RAD51B: variants seen among roughly 807,000 people sequenced by gnomAD.
RAD51B encodes the protein RAD51 paralog B.
Under a neutral mutation model 42.2 loss-of-function variants are expected in RAD51B, and 38 were observed. That is an observed-to-expected ratio of 0.90 (90% CI 0.70 to 1.18). The LOEUF is 1.18. Ranked by LOEUF, RAD51B falls within the 50% of genes most tolerant of loss-of-function variation. The pLI, the probability that RAD51B is intolerant of heterozygous loss-of-function variation, is 0.00. For missense variants in RAD51B, 373 were observed against 400.7 expected, an observed-to-expected ratio of 0.93 and a Z score of 0.59; for synonymous variants, 154 against 145.2, an observed-to-expected ratio of 1.06 and a Z score of -0.43.
At chr14:68,675,408 C>T (rs1893283722) in intron 11 of RAD51B, among the ~76,000 whole-genome samples, 1 of 152,042 alleles carries the variant, frequency 6.6e-6, no homozygotes, top group Non-Finnish European at 1.5e-5. Flanking sequence ...ATGAGACGGC[C>T]CTCCTATTCT....
At chr14:68,198,442 A>G (rs139394236) in intron 7 of RAD51B, among the ~76,000 whole-genome samples, 3 of 152,272 alleles carry the variant, frequency 2.0e-5, no homozygotes, top group African/African-American at 4.8e-5. Flanking sequence ...CACTTCATAT[A>G]AATTTTAGAT....
intron 10 of RAD51B, chr14:68,468,572 G>T: frequency 2.6e-6 from 1 of 378,834 alleles, no homozygotes; most frequent in South Asian, 2.1e-5. Flanking sequence ...GGCATGAAGT[G>T]GGCAATGATT....
intron 7 of RAD51B, among the ~76,000 whole-genome samples, chr14:68,252,185 T>A: frequency 6.6e-6 from 1 of 152,200 alleles, no homozygotes; most frequent in Non-Finnish European, 1.5e-5. Context: ...GTGGTGAAGT[T>A]TAAAATTACA....
At chr14:68,583,557 C>A (rs968722801) in intron 10 of RAD51B, among the ~76,000 whole-genome samples, 1 of 152,160 alleles carries the variant, frequency 6.6e-6, no homozygotes, top group African/African-American at 2.4e-5. Flanking sequence ...ACCCGTGGAC[C>A]CCTCAGAGTT....
At chr14:68,241,543 A>G (rs889499326) in intron 7 of RAD51B, among the ~76,000 whole-genome samples, 3 of 152,226 alleles carry the variant, frequency 2.0e-5, no homozygotes, top group Admixed American at 6.5e-5. Context: ...TCCGTCTCAA[A>G]ATATAAAAAA....
In RAD51B at chr14:68,549,752, GA is replaced by G. The variant is rs534329644; in HGVS notation, c.1037-44728del. ...TTTTATAGAAAGATCCAGATGAAGG[GA>G]AAAAGAAGTCTGATAGGTATTTCTT... On this transcript the variant is annotated intron_variant, in intron 10 of 10. Transcript: ENST00000487270. Among the ~76,000 whole-genome samples, 10 of 152,220 alleles carry G rather than the reference GA, an allele frequency of 6.6e-5. No homozygotes were observed. The South Asian group carries it at 2.1e-3, about 32-fold the overall frequency.
intron 7 of RAD51B, among the ~76,000 whole-genome samples, chr14:68,252,449 T>G (rs566309726): frequency 3.6e-4 from 55 of 152,232 alleles, no homozygotes; most frequent in Non-Finnish European, 7.2e-4. Flanking sequence ...CCTCCAAGCC[T>G]TACTTTATTC....
At chr14:68,455,725 A>AT (rs1444164073) in intron 9 of RAD51B, among the ~76,000 whole-genome samples, 1 of 152,000 alleles carries the variant, frequency 6.6e-6, no homozygotes. Context: ...GTCTCAAAAA[A>AT]TTAAAAAAAA....
chr14:68,335,433 T>C (rs778808153), intron 8 of RAD51B, among the ~76,000 whole-genome samples: 3 of 152,188 alleles, frequency 2.0e-5, no homozygotes, highest in Non-Finnish European at 2.9e-5. Flanking sequence ...ACAATCAGCA[T>C]ACTTTAGTCT....
intron 7 of RAD51B, among the ~76,000 whole-genome samples, chr14:68,233,714 T>C (rs1280246244): frequency 6.6e-6 from 1 of 152,180 alleles, no homozygotes; most frequent in East Asian, 1.9e-4. Flanking sequence ...GCTTCAAGAA[T>C]ATATCAACAT....
chr14:68,384,962 C>T lies in RAD51B; in HGVS notation c.854-26462C>T, dbSNP rs373730796. Among the ~76,000 whole-genome samples the T allele has an allele frequency of 9.9e-4, 151 of 152,220 alleles. 2 individuals are homozygous for T. Among genetic ancestry groups the T allele is most frequent in the African/African-American group, 3.3e-3 (138 of 41,512 alleles). ...TGTGGCCATGACCTTCTGGGATGAACGGAAAGGGCTGGACAGAGTTACACA... is the reference window on the plus strand; with the variant it reads ...TGTGGCCATGACCTTCTGGGATGAATGGAAAGGGCTGGACAGAGTTACACA... On this transcript the variant is annotated intron_variant, in intron 8 of 10. Coordinates refer to ENST00000471583, the MANE Select transcript of RAD51B (RefSeq NM_133510.4).
At chr14:68,047,562 A>G (rs1482941536) in intron 7 of RAD51B, among the ~76,000 whole-genome samples, 1 of 152,210 alleles carries the variant, frequency 6.6e-6, no homozygotes, top group South Asian at 2.1e-4. Flanking sequence ...ATTTAACATA[A>G]TTGAAATTAT....
At chr14:68,173,243 G>A (rs896959499) in intron 7 of RAD51B, among the ~76,000 whole-genome samples, 2 of 152,138 alleles carry the variant, frequency 1.3e-5, no homozygotes, top group Admixed American at 6.5e-5. Flanking sequence ...AGCCAAGTAG[G>A]GCTGGCTAGA....
intron 9 of RAD51B, among the ~76,000 whole-genome samples, chr14:68,422,949 G>A (rs890975537): frequency 8.5e-5 from 13 of 152,202 alleles, no homozygotes; most frequent in East Asian, 1.9e-4. Context: ...GCTTGAAGCC[G>A]AGGTTTTTTT....
chr14:68,426,045 T>C (rs1429727771), intron 9 of RAD51B, among the ~76,000 whole-genome samples: 2 of 150,590 alleles, frequency 1.3e-5, no homozygotes, highest in East Asian at 3.9e-4. Flanking sequence ...TCTTTCTCTC[T>C]TTCTCTCTCT....
At chr14:68,243,154 T>C (rs1040471624) in intron 7 of RAD51B, among the ~76,000 whole-genome samples, 3 of 152,220 alleles carry the variant, frequency 2.0e-5, no homozygotes, top group African/African-American at 7.2e-5. Context: ...AAAACAGAAA[T>C]TTTAAAGGAA....
At chr14:68,074,044 G>A (rs1021717024) in intron 7 of RAD51B, among the ~76,000 whole-genome samples, 1 of 152,076 alleles carries the variant, frequency 6.6e-6, no homozygotes, top group Admixed American at 6.6e-5. Flanking sequence ...GCAGTTCTTT[G>A]AATTTTCTGA....
chr14:68,181,922 T>C (rs746763963), intron 7 of RAD51B, among the ~76,000 whole-genome samples: 4 of 152,244 alleles, frequency 2.6e-5, no homozygotes, highest in Admixed American at 6.5e-5. Context: ...TAATTTCAAC[T>C]GGCTTTAAGA....
chr14:68,329,826 G>A (rs548052393), intron 8 of RAD51B, among the ~76,000 whole-genome samples: 4 of 151,670 alleles, frequency 2.6e-5, no homozygotes, highest in Admixed American at 6.6e-5. Flanking sequence ...CTAAAAGTAC[G>A]AAAAAATGGG....
Sources: allele counts gnomAD v4.1 joint callset (sites outside exome capture counted in the v4.1 genomes callset), GRCh38; gene constraint gnomAD v4.1.1; transcripts MANE v1.5; gene names NCBI Gene and HGNC (gene_info 2026-07-23, HGNC 2026-07-21).